CEP95: variants seen among roughly 807,000 people sequenced by gnomAD.
The protein encoded by CEP95 is centrosomal protein of 95 kDa.
A neutral mutation model predicts 111.2 loss-of-function variants in CEP95; 98 were observed. That is an observed-to-expected ratio of 0.88 (90% confidence interval 0.75 to 1.04). The LOEUF (loss-of-function observed/expected upper bound fraction) is 1.04, where lower values mean the gene tolerates loss of function less well. Among genes scored for constraint, CEP95 ranks in the 50% least tolerant of loss-of-function variants. The probability of loss-of-function intolerance (pLI) is 0.00; values close to 1 mark genes in which losing one functional copy is unlikely to be tolerated. For missense variants in CEP95, 1,027 were observed against 977.2 expected (o/e 1.05, Z -0.68); for synonymous variants, 323 against 327.1 (o/e 0.99, Z 0.14).
intron 19 of CEP95, 93 bp downstream of exon 19, chr17:64,537,205 G>GT (rs1202409337): frequency 6.5e-7 from 1 of 1,541,130 alleles, no homozygotes; most frequent in Non-Finnish European, 8.7e-7. Flanking sequence ...GCAATAGGCT[G>GT]TATCATATAG....
intron 3 of CEP95, among the ~76,000 whole-genome samples, chr17:64,513,418 A>G (rs972754968): frequency 1.3e-5 from 2 of 152,214 alleles, no homozygotes; most frequent in Non-Finnish European, 2.9e-5. Flanking sequence ...AAATATGTCA[A>G]GTTTCCATGC....
Position 64,537,879 on chromosome 17 carries a change from A to C in CEP95, c.*100A>C. The C allele has an allele frequency of 1.7e-6, 1 of 583,080 alleles. No homozygotes were observed. The highest frequency in any genetic ancestry group is 1.9e-5 in the African/African-American group (1 of 52,190). 36.1% of individuals were successfully genotyped at this position (583,080 alleles called of 1,614,324 possible). A position where few individuals can be genotyped will look rare whatever the true frequency, so the allele number is the denominator to read the frequency against. On this transcript the variant is annotated 3_prime_UTR_variant, in exon 20 of 20. Coordinates refer to ENST00000556440, the MANE Select transcript of CEP95 (RefSeq NM_138363.3). ...AGTCTAAGCCAGAAAAATAATTTTCAAATGCTTTACCTGTATTTTCATTCC... is the reference window on the plus strand; with the variant it reads ...AGTCTAAGCCAGAAAAATAATTTTCCAATGCTTTACCTGTATTTTCATTCC...
At chr17:64,534,799 A>G (rs1377105236) in intron 17 of CEP95, 62 bp downstream of exon 17, 2 of 1,560,176 alleles carry the variant, frequency 1.3e-6, no homozygotes, top group Non-Finnish European at 1.7e-6. Flanking sequence ...TTTCAGGACC[A>G]CCTTCTTTGT....
intron 11 of CEP95, among the ~76,000 whole-genome samples, chr17:64,527,868 G>GTATATATATA (rs565017430): frequency 3.3e-5 from 4 of 120,696 alleles, no homozygotes; most frequent in African/African-American, 1.0e-4. Flanking sequence ...GTGTGTGTGT[G>GTATATATATA]TGTATATATA....
intron 8 of CEP95, among the ~76,000 whole-genome samples, chr17:64,523,357 G>T (rs1298047386): frequency 6.6e-6 from 1 of 152,066 alleles, no homozygotes; most frequent in Non-Finnish European, 1.5e-5. Flanking sequence ...TTTGAACTTG[G>T]ACATTCTGGC....
intron 18 of CEP95, 22 bp from the exon 19 acceptor site, chr17:64,537,019 T>G (rs782259349): frequency 8.9e-6 from 14 of 1,581,494 alleles, no homozygotes; most frequent in African/African-American, 5.5e-5. Context: ...ATAATATTTG[T>G]TTTTTTTCTT....
intron 11 of CEP95, among the ~76,000 whole-genome samples, chr17:64,528,803 G>C (rs1968053112): frequency 6.6e-6 from 1 of 152,158 alleles, no homozygotes; most frequent in Admixed American, 6.5e-5. Flanking sequence ...CTTTGGCAGT[G>C]TGCAATTAGG....
At chr17:64,534,933 T>C (rs1161963751) in intron 17 of CEP95, 196 bp downstream of exon 17, 2 of 576,898 alleles carry the variant, frequency 3.5e-6, no homozygotes, top group African/African-American at 3.7e-5. Context: ...ATTCTCAGTC[T>C]CCGTGTCCCT....
Position 64,534,686 on chromosome 17 carries a change from T to C in CEP95, c.2019T>C (p.Tyr673=), listed in dbSNP as rs1555681172. 1 of 1,613,338 alleles carries C rather than the reference T, an allele frequency of 6.2e-7. No homozygotes were observed. Among genetic ancestry groups the C allele is most frequent in the Admixed American group, 1.7e-5 (1 of 59,936 alleles). The change falls in exon 17 of 20, where the codon TAT becomes TAC. Residue 673 remains tyrosine (Y), a synonymous_variant. Transcript: ENST00000556440. Reference sequence around the variant, plus strand: ...GTGCTCGAAAATATTATGATGATTATAGAGTTCAGTTGTGTGCAAAAATGA... The same window carrying C: ...GTGCTCGAAAATATTATGATGATTACAGAGTTCAGTTGTGTGCAAAAATGA... ...IVRARKYYDD[Y]RVQLCAKMMR... is the part of the protein sequence containing the mutation.
Position 64,516,786 on chromosome 17 carries a change from C to G in CEP95, c.431C>G (p.Thr144Ser), listed in dbSNP as rs1966890470. Residue 144 changes from threonine (T) to serine (S), a missense_variant, in exon 5 of 20, where the codon ACT (threonine) becomes AGT (serine). Thr to Ser is a moderately conservative substitution (Grantham distance 58). Transcript: ENST00000556440. ...GAACGTTTGGAAGAGCCAGAAAGTA[C>G]TAAAGAATCTAAATCATCATGGAAA... ...RGERLEEPES[T>S]KESKSSWKRV... 2 of 1,611,156 alleles carry G rather than the reference C, an allele frequency of 1.2e-6. No homozygotes were observed. The highest frequency in any genetic ancestry group is 2.7e-5 in the African/African-American group (2 of 74,980).
Position 64,537,828 on chromosome 17 carries a change from A to ACAGAGCTAGAATCGAGC in CEP95, c.*53_*69dup. On this transcript the variant is annotated 3_prime_UTR_variant, in exon 20 of 20. Transcript: ENST00000556440. Reference sequence around the variant, plus strand: ...GAAGGTTCTGGAGGCCTTTACCAGGACAGAGCTAGAATCGAGCCAGTAAAC... The same window carrying ACAGAGCTAGAATCGAGC: ...GAAGGTTCTGGAGGCCTTTACCAGGACAGAGCTAGAATCGAGCCAGAGCTAGAATCGAGCCAGTAAAC... The ACAGAGCTAGAATCGAGC allele has an allele frequency of 8.0e-7, 1 of 1,245,480 alleles. No homozygotes were observed. Among genetic ancestry groups the ACAGAGCTAGAATCGAGC allele is most frequent in the Non-Finnish European group, 1.1e-6 (1 of 917,738 alleles). 77.2% of individuals were successfully genotyped at this position (1,245,480 alleles called of 1,614,324 possible). A position where few individuals can be genotyped will look rare whatever the true frequency, so the allele number is the denominator to read the frequency against.
chr17:64,508,102 C>G, intron 1 of CEP95: 15 of 985,346 alleles, frequency 1.5e-5, no homozygotes, highest in Non-Finnish European at 1.8e-5. Flanking sequence ...TAAGTTTAAT[C>G]ACCACTTTTT....
chr17:64,537,653 T>G lies in CEP95; in HGVS notation c.2340T>G (p.Ile780Met), dbSNP rs1555681905. 6.2e-7 allele frequency: 1 copy of G among 1,612,734 alleles called. No individual in the cohort carries two copies. The highest frequency in any genetic ancestry group is 1.7e-5 in the Admixed American group (1 of 59,944). The part of the protein sequence containing the change: ...RELRSKMEKE[I>M]QQLQDMITQN... ...TGAGATCTAAGATGGAGAAGGAAAT[T>G]CAGCAGCTGCAGGACATGATAACAC... is the stretch of plus-strand genomic sequence containing the variant. The change falls in exon 20 of 20, where the codon ATT (isoleucine) becomes ATG (methionine). Residue 780 changes from isoleucine (I) to methionine (M), a missense_variant. By Grantham distance (10) the Ile-to-Met change is conservative. Transcript: ENST00000556440.
intron 4 of CEP95, chr17:64,515,696 C>T (rs1339599189): frequency 3.3e-5 from 5 of 152,180 alleles, no homozygotes; most frequent in Non-Finnish European, 7.3e-5. Flanking sequence ...ACAGCATTTT[C>T]TTACAGTCTG....
intron 3 of CEP95, among the ~76,000 whole-genome samples, chr17:64,510,683 G>A (rs1038295483): frequency 1.3e-5 from 2 of 152,116 alleles, no homozygotes; most frequent in African/African-American, 2.4e-5. Flanking sequence ...CCGGGTAGCC[G>A]GGGCTACAGG....
chr17:64,508,753 T>A, intron 2 of CEP95, 33 bp downstream of exon 2: 1 of 1,284,618 alleles, frequency 7.8e-7, no homozygotes, highest in Non-Finnish European at 1.0e-6. Context: ...TAATTTTGCC[T>A]ATATCTTAGG....
rs1555678938 is a variant in CEP95, at chr17:64,525,790, C to G, written c.930C>G (p.Phe310Leu). ...AATAGGATCTAGATGATGGACTTTT[C>G]TTAATTTCCAAGTTGCCTAAAGGCA... is the stretch of plus-strand genomic sequence containing the variant. Reference protein sequence around the residue: ...EFSGDLDDGLFLISKLPKGSK... With the variant: ...EFSGDLDDGLLLISKLPKGSK... Residue 310 changes from phenylalanine to leucine, a missense_variant, in exon 9 of 20, where the codon TTC becomes TTG. By Grantham distance (22) the Phe-to-Leu change is conservative. Coordinates refer to ENST00000556440, the MANE Select transcript of CEP95 (RefSeq NM_138363.3). 1.2e-6 allele frequency: 2 copies of G among 1,606,306 alleles called. No individual in the cohort carries two copies. The highest frequency in any genetic ancestry group is 1.1e-5 in the South Asian group (1 of 89,484).
chr17:64,537,203 C>A, intron 19 of CEP95, 91 bp downstream of exon 19: 1 of 1,547,318 alleles, frequency 6.5e-7, no homozygotes, highest in Non-Finnish European at 8.7e-7. Context: ...GAGCAATAGG[C>A]TGTATCATAT....
At position 64,532,547 on chromosome 17, in the gene CEP95, G is replaced by A. The variant is rs41385745; in HGVS notation, c.1673-292G>A. 1,218 of 985,410 alleles carry A rather than the reference G, an allele frequency of 1.2e-3. 5 individuals carry two copies. In the African/African-American group the frequency reaches 0.019, roughly 16 times the overall value. 61.0% of individuals were successfully genotyped at this position (985,410 alleles called of 1,614,324 possible). A position where few individuals can be genotyped will look rare whatever the true frequency, so the allele number is the denominator to read the frequency against. On this transcript the variant is annotated intron_variant, in intron 14 of 19. Transcript: ENST00000556440. ...CCTACCGGGAAGGTTGAGGAGTCTT[G>A]TTTTACCGTACGTAGAGAATCTACC...
Sources: allele counts gnomAD v4.1 joint callset (sites outside exome capture counted in the v4.1 genomes callset), GRCh38; gene constraint gnomAD v4.1.1; transcripts MANE v1.5; gene names NCBI Gene and HGNC (gene_info 2026-07-23, HGNC 2026-07-21).